C8A: variants seen among roughly 807,000 people sequenced by gnomAD.
C8A encodes complement C8 alpha chain.
In C8A, 67 loss-of-function variants were observed where a neutral mutation model predicts 65.3. The ratio of observed to expected loss-of-function variants is 1.03; its 90% CI spans 0.84 to 1.26. C8A has a LOEUF of 1.26. Ranked by LOEUF, C8A falls within the 50% of genes most tolerant of loss-of-function variation. C8A has a pLI of 0.00. For missense variants in C8A, 781 were observed against 723.9 expected (o/e 1.08, Z -0.90); for synonymous variants, 290 against 259.4 (o/e 1.12, Z -1.13).
chr1:56,912,879 A>G (rs1333041965), intron 10 of C8A, among the ~76,000 whole-genome samples: 1 of 152,202 alleles, frequency 6.6e-6, no homozygotes, highest in African/African-American at 2.4e-5. Flanking sequence ...TCATTTCTGG[A>G]GGAATAAACT....
chr1:56,899,965 G>A (rs1464266083), intron 7 of C8A, among the ~76,000 whole-genome samples: 1 of 152,200 alleles, frequency 6.6e-6, no homozygotes, highest in African/African-American at 2.4e-5. Context: ...GGTAGTCTCT[G>A]TTTCAGAATT....
chr1:56,898,566 T>C lies in C8A; in HGVS notation c.1097-8101T>C, dbSNP rs1270598030. Among the ~76,000 whole-genome samples the C allele has an allele frequency of 3.3e-5, 5 of 152,312 alleles. No homozygotes were observed. The East Asian group carries it at 9.7e-4, about 29-fold the overall frequency. ...TTATGCTTATTCATCCTCAGTTCTC[T>C]GCTTAGCTCAAATAGGACTCTTCCA... On this transcript the variant is annotated intron_variant, in intron 7 of 10. Transcript: ENST00000361249.
chr1:56,860,133 A>T (rs1298246058), intron 1 of C8A, among the ~76,000 whole-genome samples: 1 of 152,182 alleles, frequency 6.6e-6, no homozygotes, highest in African/African-American at 2.4e-5. Context: ...TTGTTAGAGG[A>T]TATCAGAGCA....
At chr1:56,887,102 G>A (rs989928656) in intron 7 of C8A, among the ~76,000 whole-genome samples, 3 of 152,166 alleles carry the variant, frequency 2.0e-5, no homozygotes, top group African/African-American at 7.2e-5. Flanking sequence ...GCAAAGCCAA[G>A]TTCAAATTCC....
At chr1:56,886,627 C>G (rs1361103625) in intron 7 of C8A, among the ~76,000 whole-genome samples, 2 of 152,112 alleles carry the variant, frequency 1.3e-5, no homozygotes, top group Non-Finnish European at 2.9e-5. Context: ...CCACTCTCCT[C>G]CATCTCCACT....
chr1:56,903,634 C>T (rs947206735), intron 7 of C8A, among the ~76,000 whole-genome samples: 1 of 152,170 alleles, frequency 6.6e-6, no homozygotes, highest in Non-Finnish European at 1.5e-5. Flanking sequence ...GAACTGGCTA[C>T]TAAGTCCATA....
chr1:56,881,576 A>G lies in C8A; in HGVS notation c.596A>G (p.Tyr199Cys), dbSNP rs1391056822. The G allele has an allele frequency of 1.9e-6, 3 of 1,613,818 alleles. No individual in the cohort carries two copies. Among genetic ancestry groups the G allele is most frequent in the Admixed American group, 1.7e-5 (1 of 59,990 alleles). ...GACTCCACCTGTGAACGTCTCTACTATGGAGATGATGAGAAATACTTTCGG... is the reference window on the plus strand; with the variant it reads ...GACTCCACCTGTGAACGTCTCTACTGTGGAGATGATGAGAAATACTTTCGG... Reference protein sequence around the residue: ...RYDSTCERLYYGDDEKYFRKP... With the variant: ...RYDSTCERLYCGDDEKYFRKP... The change falls in exon 5 of 11, where the codon TAT becomes TGT. Residue 199 changes from tyrosine (Y) to cysteine (C), a missense_variant. By Grantham distance (194) the Tyr-to-Cys change is radical. Coordinates refer to ENST00000361249, the MANE Select transcript of C8A (RefSeq NM_000562.3).
intron 1 of C8A, among the ~76,000 whole-genome samples, 197 bp from the exon 2 acceptor site, chr1:56,867,412 G>C (rs1644101296): frequency 6.6e-6 from 1 of 151,992 alleles, no homozygotes; most frequent in African/African-American, 2.4e-5. Context: ...AGTATTAAAG[G>C]GATAATTTAT....
At chr1:56,885,532 AC>A (rs1262503465) in intron 6 of C8A, among the ~76,000 whole-genome samples, 2 of 144,126 alleles carry the variant, frequency 1.4e-5, no homozygotes, top group African/African-American at 5.1e-5. Flanking sequence ...CTAAAAGCTG[AC>A]CTTTTGCATC....
intron 6 of C8A, among the ~76,000 whole-genome samples, chr1:56,884,324 C>T (rs1416029293): frequency 6.6e-6 from 1 of 152,036 alleles, no homozygotes; most frequent in Non-Finnish European, 1.5e-5. Context: ...CTTCAGCCAG[C>T]TGAAGCACAG....
rs1320517374 is a variant in C8A, at chr1:56,905,834, C to T, written c.1097-833C>T. On this transcript the variant is annotated intron_variant, in intron 7 of 10. Coordinates refer to ENST00000361249, the MANE Select transcript of C8A (RefSeq NM_000562.3). ...GAACTCTGTAGCATGGGCAATATTC[C>T]TCCAGTCTGTTTATCTAGTTTTATC... Among the ~76,000 whole-genome samples the T allele has an allele frequency of 2.0e-5, 3 of 152,172 alleles. No individual in the cohort carries two copies. The East Asian group carries it at 5.8e-4, about 29-fold the overall frequency.
intron 7 of C8A, among the ~76,000 whole-genome samples, chr1:56,900,280 C>T (rs1644417032): frequency 6.6e-6 from 1 of 152,186 alleles, no homozygotes; most frequent in Admixed American, 6.5e-5. Context: ...TATCTTGCTT[C>T]AAGACCTGAT....
chr1:56,857,962 T>C (rs1160875287), intron 1 of C8A, among the ~76,000 whole-genome samples: 2 of 152,124 alleles, frequency 1.3e-5, no homozygotes, highest in Admixed American at 6.5e-5. Context: ...TGTTTCATTT[T>C]GGTTTCTATA....
At chr1:56,912,697 G>A in intron 10 of C8A, 72 bp downstream of exon 10, 1 of 1,406,238 alleles carries the variant, frequency 7.1e-7, no homozygotes, top group Non-Finnish European at 1.0e-6. Flanking sequence ...AAGGACTTTT[G>A]GGGTTCCCGG....
At chr1:56,882,351 C>T (rs977689272) in intron 5 of C8A, among the ~76,000 whole-genome samples, 2 of 152,248 alleles carry the variant, frequency 1.3e-5, no homozygotes, top group African/African-American at 4.8e-5. Context: ...CACAAATTCT[C>T]CCATTTAATC....
At position 56,876,187 on chromosome 1, in the gene C8A, G is replaced by C. The variant is rs777074787; in HGVS notation, c.442G>C (p.Gly148Arg). ...CTGCAGCCAGTATGAACCAATTCCA[G>C]GATCACAGAAGGCAGCCTTGGGGTG... ...EDCSQYEPIP[G>R]SQKAALGYNI... Residue 148 changes from glycine to arginine, a missense_variant, in exon 4 of 11, where the codon GGA becomes CGA. Coordinates refer to ENST00000361249, the MANE Select transcript of C8A (RefSeq NM_000562.3). The C allele has an allele frequency of 1.4e-5, 22 of 1,613,750 alleles. No homozygotes were observed. The highest frequency in any genetic ancestry group is 1.9e-5 in the Non-Finnish European group (22 of 1,179,862).
At chr1:56,887,276 C>G (rs956689591) in intron 7 of C8A, among the ~76,000 whole-genome samples, 1 of 152,166 alleles carries the variant, frequency 6.6e-6, no homozygotes, top group African/African-American at 2.4e-5. Context: ...GAGGAATTGA[C>G]ACACTATTTT....
intron 1 of C8A, among the ~76,000 whole-genome samples, chr1:56,862,618 T>C (rs1036623871): frequency 1.3e-5 from 2 of 152,154 alleles, no homozygotes; most frequent in Non-Finnish European, 2.9e-5. Flanking sequence ...TAGCACCATA[T>C]AGACTTGTGC....
In C8A at chr1:56,908,036, G is replaced by A. The variant is rs1644479939; in HGVS notation, c.1303G>A (p.Ala435Thr). ...GGSSGWSGGL[A>T]QNRSTITYRS... ...CAGTTCTGGCTGGAGCGGTGGCTTG[G>A]CACAGAACAGGAGCACCATTACATA... Residue 435 changes from alanine (A) to threonine (T), a missense_variant, in exon 9 of 11, where the codon GCA (alanine) becomes ACA (threonine). By Grantham distance (58) the Ala-to-Thr change is moderately conservative. Coordinates refer to ENST00000361249, the MANE Select transcript of C8A (RefSeq NM_000562.3). The A allele has an allele frequency of 6.2e-7, 1 of 1,614,110 alleles. No individual in the cohort carries two copies. The highest frequency in any genetic ancestry group is 1.3e-5 in the African/African-American group (1 of 75,026).
Sources: gnomAD v4.1 joint callset for allele counts (sites outside exome capture counted in the v4.1 genomes callset) on GRCh38, gnomAD v4.1.1 for gene constraint, MANE v1.5 for transcripts, NCBI Gene and HGNC (gene_info 2026-07-23, HGNC 2026-07-21) for gene names.